The following TBCK variants were observed in gnomAD, a reference collection of about 807,000 sequenced individuals.
TBCK encodes TBC1 domain containing kinase.
TBCK carries 99 observed loss-of-function variants against 113.4 expected under a neutral mutation model. The ratio of observed to expected loss-of-function variants is 0.87; its 90% CI spans 0.74 to 1.03. The LOEUF (loss-of-function observed/expected upper bound fraction) is 1.03, where lower values mean the gene tolerates loss of function less well. Among genes scored for constraint, TBCK ranks in the 50% least tolerant of loss-of-function variants. The probability of loss-of-function intolerance (pLI) is 0.00; values close to 1 mark genes in which losing one functional copy is unlikely to be tolerated. For missense variants in TBCK, 1,045 were observed against 1,061.3 expected (o/e 0.98, Z 0.21); for synonymous variants, 369 against 370.8 (o/e 1.00, Z 0.05).
At chr4:106,231,910 T>C (rs1758895959) in intron 17 of TBCK, 131 bp from the exon 18 acceptor site, 1 of 813,282 alleles carries the variant, frequency 1.2e-6, no homozygotes, top group Admixed American at 2.9e-5. Context: ...CATCCAGAAA[T>C]ATGTTACTTC....
At position 106,139,621 on chromosome 4, in the gene TBCK, G is replaced by GA. The variant is rs1168847251; in HGVS notation, c.2236-23244dup. 2.1e-5 allele frequency among the ~76,000 whole-genome samples: 3 copies of GA among 140,696 alleles called. 1 individual carries two copies. Among genetic ancestry groups the GA allele is most frequent in the Non-Finnish European group, 4.8e-5 (3 of 61,944 alleles). 92.3% of individuals were successfully genotyped at this position (140,696 alleles called of 152,430 possible). On this transcript the variant is annotated intron_variant, in intron 23 of 25. Coordinates refer to ENST00000394708, the MANE Select transcript of TBCK (RefSeq NM_001163435.3). The stretch of plus-strand genomic sequence containing the variant: ...TACTGCAAACTTCTTTTAAATAGGA[G>GA]AAAAAATTCTGATTTTTATGAGATC...
chr4:106,061,597 C>T (rs1578779673), intron 25 of TBCK, among the ~76,000 whole-genome samples: 1 of 151,246 alleles, frequency 6.6e-6, no homozygotes, highest in South Asian at 2.1e-4. Context: ...ATTTTATTGC[C>T]ATATTTGCCT....
At chr4:106,282,269 G>A (rs1412945278) in intron 3 of TBCK, among the ~76,000 whole-genome samples, 1 of 151,818 alleles carries the variant, frequency 6.6e-6, no homozygotes, top group Non-Finnish European at 1.5e-5. Flanking sequence ...TCTCATCTCT[G>A]ATTTTATTAG....
intron 20 of TBCK, among the ~76,000 whole-genome samples, chr4:106,208,306 G>A (rs1165564023): frequency 6.6e-6 from 1 of 151,950 alleles, no homozygotes; most frequent in African/African-American, 2.4e-5. Flanking sequence ...TCTCCCGTAT[G>A]GCACACTTTC....
intron 16 of TBCK, 84 bp downstream of exon 16, chr4:106,233,504 A>C (rs1759105472): frequency 1.9e-6 from 2 of 1,051,364 alleles, no homozygotes; most frequent in Non-Finnish European, 2.9e-6. Context: ...TTCATGAGAG[A>C]AAGAGGCTTT....
intron 25 of TBCK, among the ~76,000 whole-genome samples, chr4:106,064,930 T>C (rs1736457718): frequency 6.6e-6 from 1 of 151,962 alleles, no homozygotes; most frequent in African/African-American, 2.4e-5. Flanking sequence ...CAACTCATTA[T>C]TCTTACTAAA....
intron 25 of TBCK, among the ~76,000 whole-genome samples, chr4:106,067,805 C>T (rs1039420402): frequency 1.3e-5 from 2 of 152,220 alleles, no homozygotes; most frequent in African/African-American, 2.4e-5. Context: ...TTTCCATAGA[C>T]GTGAGGGTTT....
chr4:106,198,731 C>T (rs1754539349), intron 20 of TBCK, among the ~76,000 whole-genome samples: 1 of 152,072 alleles, frequency 6.6e-6, no homozygotes, highest in Admixed American at 6.6e-5. Context: ...TTCATTCACT[C>T]TTTCATTCAT....
At chr4:106,214,332 C>T (rs1037620366) in intron 19 of TBCK, among the ~76,000 whole-genome samples, 33 of 152,178 alleles carry the variant, frequency 2.2e-4, no homozygotes, top group Admixed American at 1.4e-3. Context: ...CAAAGGAACG[C>T]GGCTCCTCAC....
At chr4:106,137,761 G>A (rs1429346170) in intron 23 of TBCK, among the ~76,000 whole-genome samples, 1 of 140,160 alleles carries the variant, frequency 7.1e-6, no homozygotes, top group Non-Finnish European at 1.6e-5. Context: ...ACATGAATAT[G>A]AAATATAAAG....
chr4:106,298,504 G>A (rs1300222133), intron 2 of TBCK, among the ~76,000 whole-genome samples: 4 of 151,470 alleles, frequency 2.6e-5, no homozygotes, highest in East Asian at 1.9e-4. Context: ...CCAGCTACTC[G>A]ATGGCTGAGG....
intron 25 of TBCK, among the ~76,000 whole-genome samples, chr4:106,068,421 G>A (rs1362091014): frequency 6.6e-6 from 1 of 152,042 alleles, no homozygotes; most frequent in Non-Finnish European, 1.5e-5. Context: ...CAGTCCTTGT[G>A]ATAGTTTGCT....
chr4:106,241,517 C>T (rs1414252778), intron 12 of TBCK, among the ~76,000 whole-genome samples: 2 of 151,882 alleles, frequency 1.3e-5, no homozygotes, highest in Non-Finnish European at 2.9e-5. Context: ...CAGATTAAGG[C>T]AATGTGGTAT....
chr4:106,058,999 C>CT (rs1735738308), intron 25 of TBCK, among the ~76,000 whole-genome samples: 1 of 151,642 alleles, frequency 6.6e-6, no homozygotes, highest in Admixed American at 6.6e-5. Context: ...TCAAATAATA[C>CT]TTTTTCATAT....
At chr4:106,246,052 C>T (rs1760776241) in intron 10 of TBCK, among the ~76,000 whole-genome samples, 1 of 152,158 alleles carries the variant, frequency 6.6e-6, no homozygotes, top group South Asian at 2.1e-4. Flanking sequence ...GGGGAGGCAA[C>T]CAACACAAAT....
At chr4:106,158,839 C>T (rs1749417317) in intron 23 of TBCK, among the ~76,000 whole-genome samples, 1 of 152,014 alleles carries the variant, frequency 6.6e-6, no homozygotes, top group East Asian at 1.9e-4. Context: ...AAAGACACTG[C>T]AAAAACGGAA....
At chr4:106,085,404 G>T (rs969536844) in intron 25 of TBCK, among the ~76,000 whole-genome samples, 6 of 152,138 alleles carry the variant, frequency 3.9e-5, no homozygotes, top group Admixed American at 1.3e-4. Flanking sequence ...GAACAATTCA[G>T]CAAGAAGAGC....
chr4:106,236,238 T>A, intron 14 of TBCK, 152 bp downstream of exon 14: 1 of 488,376 alleles, frequency 2.0e-6, no homozygotes, highest in South Asian at 1.0e-4. Context: ...TAAGAACATG[T>A]ATCATTTTTA....
intron 4 of TBCK, 43 bp downstream of exon 4, chr4:106,262,055 T>G (rs1762555433): frequency 1.6e-6 from 2 of 1,223,032 alleles, no homozygotes; most frequent in African/African-American, 1.5e-5. Flanking sequence ...TGCTTCCAAT[T>G]TCAAATGATA....
Sources: allele counts gnomAD v4.1 joint callset (sites outside exome capture counted in the v4.1 genomes callset), GRCh38; gene constraint gnomAD v4.1.1; transcripts MANE v1.5; gene names NCBI Gene and HGNC (gene_info 2026-07-23, HGNC 2026-07-21).